The following ADGB variants were observed in gnomAD, a reference collection of about 807,000 sequenced individuals.
The protein encoded by ADGB is calpain-7-like protein.
ADGB carries 172 observed loss-of-function variants against 210.5 expected under a neutral mutation model. That is an observed-to-expected ratio of 0.82 (90% CI 0.72 to 0.93). The LOEUF (loss-of-function observed/expected upper bound fraction) is 0.93, where lower values mean the gene tolerates loss of function less well. Among genes scored for constraint, ADGB ranks in the 40% least tolerant of loss-of-function variants. ADGB has a pLI of 0.00. For missense variants in ADGB, 2,025 were observed against 1,964.8 expected (o/e 1.03, Z -0.58); for synonymous variants, 658 against 662.7 (o/e 0.99, Z 0.11).
At chr6:146,699,233 A>G (rs984259226) in intron 12 of ADGB, among the ~76,000 whole-genome samples, 1 of 152,152 alleles carries the variant, frequency 6.6e-6, no homozygotes, top group East Asian at 1.9e-4. Flanking sequence ...GGCTGTCTGC[A>G]AGCTGGGGAA....
intron 9 of ADGB, among the ~76,000 whole-genome samples, chr6:146,679,518 G>A (rs1276459980): frequency 6.6e-6 from 1 of 152,110 alleles, no homozygotes; most frequent in Non-Finnish European, 1.5e-5. Context: ...CTCATCATTC[G>A]CAATTCTAAA....
chr6:146,617,845 G>C (rs1780826987), intron 1 of ADGB, among the ~76,000 whole-genome samples: 1 of 151,884 alleles, frequency 6.6e-6, no homozygotes, highest in African/African-American at 2.4e-5. Flanking sequence ...GGTTTGCCAG[G>C]ACAGTTGTTC....
intron 2 of ADGB, among the ~76,000 whole-genome samples, chr6:146,643,486 AGGACC>A (rs1775549534): frequency 6.6e-6 from 1 of 151,780 alleles, no homozygotes; most frequent in Non-Finnish European, 1.5e-5. Flanking sequence ...ATTTTTTGTA[AGGACC>A]TTTATTTCCC....
At chr6:146,698,058 G>C (rs948891166) in intron 12 of ADGB, among the ~76,000 whole-genome samples, 3 of 152,132 alleles carry the variant, frequency 2.0e-5, no homozygotes, top group African/African-American at 7.2e-5. Context: ...ATATGGTGTT[G>C]GAAGTAACCA....
At chr6:146,674,829 G>A (rs551839512) in intron 8 of ADGB, among the ~76,000 whole-genome samples, 2 of 152,190 alleles carry the variant, frequency 1.3e-5, no homozygotes, top group East Asian at 3.9e-4. Flanking sequence ...ATTTTGGTGA[G>A]CACTGTTGTA....
chr6:146,804,194 A>T (rs757538795), intron 35 of ADGB, among the ~76,000 whole-genome samples: 5 of 152,118 alleles, frequency 3.3e-5, no homozygotes, highest in Non-Finnish European at 5.9e-5. Flanking sequence ...GAAAAGGGGA[A>T]ATTCAATAAA....
chr6:146,653,213 A>G (rs1053105124), intron 3 of ADGB, among the ~76,000 whole-genome samples: 1 of 152,022 alleles, frequency 6.6e-6, no homozygotes, highest in African/African-American at 2.4e-5. Context: ...TAGTTGCAGG[A>G]AAACAAGCTC....
At chr6:146,654,308 T>TAAG (rs1385867471) in intron 4 of ADGB, 102 bp downstream of exon 4, 1 of 608,326 alleles carries the variant, frequency 1.6e-6, no homozygotes, top group Non-Finnish European at 2.7e-6. Flanking sequence ...TGCTCACCTT[T>TAAG]AAGTTTTGGT....
chr6:146,625,079 T>C (rs991487671), intron 1 of ADGB, among the ~76,000 whole-genome samples: 2 of 152,074 alleles, frequency 1.3e-5, no homozygotes, highest in African/African-American at 2.4e-5. Flanking sequence ...ATTAGGTCAA[T>C]TTTGATGATA....
chr6:146,805,972 C>T (rs1186683688), intron 35 of ADGB, among the ~76,000 whole-genome samples: 1 of 152,170 alleles, frequency 6.6e-6, no homozygotes, highest in African/African-American at 2.4e-5. Flanking sequence ...TGTTTAGATT[C>T]ACTGTTGTGT....
intron 13 of ADGB, among the ~76,000 whole-genome samples, chr6:146,710,175 T>A (rs574493058): frequency 6.6e-6 from 1 of 151,300 alleles, no homozygotes; most frequent in African/African-American, 2.4e-5. Context: ...TGATTGAGAT[T>A]TCTATATCTG....
chr6:146,633,009 CTTG>C (rs375053498), intron 1 of ADGB, among the ~76,000 whole-genome samples: 253 of 152,200 alleles, frequency 1.7e-3, no homozygotes, highest in African/African-American at 5.8e-3. Context: ...CAAAGTTTCA[CTTG>C]TTGTCCAATT....
chr6:146,758,852 C>A (rs1055204097), intron 27 of ADGB, among the ~76,000 whole-genome samples: 1 of 151,846 alleles, frequency 6.6e-6, no homozygotes, highest in Non-Finnish European at 1.5e-5. Flanking sequence ...TTATTCATGA[C>A]CTCTTTTATT....
At chr6:146,696,717 T>G (rs570478503) in intron 12 of ADGB, among the ~76,000 whole-genome samples, 1 of 152,300 alleles carries the variant, frequency 6.6e-6, no homozygotes, top group South Asian at 2.1e-4. Flanking sequence ...TCAAATTATG[T>G]TCCTAAAAGG....
intron 3 of ADGB, among the ~76,000 whole-genome samples, chr6:146,653,114 A>T (rs1775727554): frequency 6.6e-6 from 1 of 152,024 alleles, no homozygotes; most frequent in South Asian, 2.1e-4. Flanking sequence ...CTGCGTGTGC[A>T]TGTGAGGAAT....
At chr6:146,791,489 G>A (rs565462965) in intron 33 of ADGB, among the ~76,000 whole-genome samples, 16 of 151,678 alleles carry the variant, frequency 1.1e-4, no homozygotes, top group South Asian at 2.1e-4. Context: ...GACTATAAGC[G>A]CATGCCACCA....
Position 146,608,258 on chromosome 6 carries a change from T to TTTA in ADGB, c.74+9160_74+9162dup, listed in dbSNP as rs563744735. On this transcript the variant is annotated intron_variant, in intron 1 of 35. Transcript: ENST00000397944. Reference sequence around the variant, plus strand: ...TTCTGCAGAGCCAGCGGTAGTGTGTTTTATTATTATTATTATTAATGTAGC... The same window carrying TTTA: ...TTCTGCAGAGCCAGCGGTAGTGTGTTTTATTATTATTATTATTATTAATGTAGC... Among the ~76,000 whole-genome samples the TTTA allele has an allele frequency of 3.0e-4, 45 of 151,864 alleles. 1 individual carries two copies. In the South Asian group the frequency reaches 7.3e-3, roughly 25 times the overall value.
intron 35 of ADGB, among the ~76,000 whole-genome samples, chr6:146,812,356 C>CAA (rs3065963): frequency 6.7e-6 from 1 of 150,008 alleles, no homozygotes; most frequent in South Asian, 2.1e-4. Context: ...AGGGGGTGCC[C>CAA]AAAAAAAAAT....
intron 29 of ADGB, among the ~76,000 whole-genome samples, chr6:146,773,861 A>G (rs1777687966): frequency 6.6e-6 from 1 of 152,170 alleles, no homozygotes; most frequent in South Asian, 2.1e-4. Flanking sequence ...GAAGGGCTTT[A>G]CATATATTGA....
Sources: gnomAD v4.1 joint callset for allele counts (sites outside exome capture counted in the v4.1 genomes callset) on GRCh38, gnomAD v4.1.1 for gene constraint, MANE v1.5 for transcripts, NCBI Gene and HGNC (gene_info 2026-07-23, HGNC 2026-07-21) for gene names.